The following DPP7 variants were observed in gnomAD, a reference collection of about 807,000 sequenced individuals.
DPP7 encodes the protein dipeptidyl peptidase 7, also known as dipeptidyl peptidase 2.
A neutral mutation model predicts 58.8 loss-of-function variants in DPP7; 74 were observed. The observed-to-expected ratio is 1.26, with a 90% CI of 1.04 to 1.53. The LOEUF is 1.53. DPP7 is among the 40% of genes most tolerant of loss of function. The probability of loss-of-function intolerance (pLI) is 0.00; values close to 1 mark genes in which losing one functional copy is unlikely to be tolerated. For synonymous variants in DPP7, 350 were observed against 303.6 expected (o/e 1.15, Z -1.59); for missense variants, 807 against 692.3 (o/e 1.17, Z -1.86).
chr9:137,112,874 A>G (rs1831445813), intron 7 of DPP7, 69 bp from the exon 8 acceptor site: 1 of 1,601,684 alleles, frequency 6.2e-7, no homozygotes, highest in Non-Finnish European at 8.5e-7. Context: ...GGCTCCCAGG[A>G]TGAGGGTCAG....
chr9:137,112,384 T>C, intron 8 of DPP7, 154 bp from the exon 9 acceptor site: 1 of 680,566 alleles, frequency 1.5e-6, no homozygotes, highest in Non-Finnish European at 2.4e-6. Flanking sequence ...GCTACCTGCT[T>C]GGAGGTCGGC....
upstream of DPP7, among the ~76,000 whole-genome samples, chr9:137,118,217 A>T (rs533746221): frequency 3.8e-4 from 57 of 151,204 alleles, no homozygotes; most frequent in Admixed American, 2.0e-3. Context: ...TGAACTCCTG[A>T]CCTCAGATGA....
At chr9:137,110,856 C>A in intron 12 of DPP7, 24 bp downstream of exon 12, 1 of 1,608,344 alleles carries the variant, frequency 6.2e-7, no homozygotes, top group African/African-American at 1.3e-5. Flanking sequence ...CCCGCGACCA[C>A]CGCCAGGCCA....
At chr9:137,116,806 A>G (rs147799106), upstream of DPP7, among the ~76,000 whole-genome samples, 486 of 152,328 alleles carry the variant, frequency 3.2e-3, 5 homozygotes, top group African/African-American at 0.011. Flanking sequence ...CATTAGTTCT[A>G]TTCTGAGACA....
chr9:137,114,527 A>T lies in DPP7; in HGVS notation c.117T>A (p.Arg39=). Residue 39 remains arginine, a synonymous_variant, in exon 2 of 13, where the codon CGT becomes CGA. Coordinates refer to ENST00000371579, the MANE Select transcript of DPP7 (RefSeq NM_013379.3). ...AGCGCTCGAAGTTGAAGTGGTCCAG[A>T]CGCTGCTGGAAGAAGCGCTCCTGGA... The part of the protein sequence containing the change: ...PGFQERFFQQ[R]LDHFNFERFG... The T allele has an allele frequency of 6.3e-7, 1 of 1,579,798 alleles. No individual in the cohort carries two copies. The highest frequency in any genetic ancestry group is 1.1e-5 in the South Asian group (1 of 87,282).
intron 2 of DPP7, 36 bp from the exon 3 acceptor site, chr9:137,114,418 G>A (rs1224309358): frequency 1.9e-6 from 3 of 1,569,908 alleles, no homozygotes; most frequent in Non-Finnish European, 2.6e-6. Context: ...GGTGCCGGGG[G>A]GCGGCGGGAC....
rs1415215235 is a variant in DPP7, at chr9:137,112,818, G to A, written c.871-13C>T. The A allele has an allele frequency of 1.2e-6, 2 of 1,608,652 alleles. No homozygotes were observed. Among genetic ancestry groups the A allele is most frequent in the Non-Finnish European group, 1.7e-6 (2 of 1,179,176 alleles). ...GATCACAGCCCACCTGGAGTGCAGGGGCAGCGGCGACTCAGCGGGGTCCCC... is the reference window on the plus strand; with the variant it reads ...GATCACAGCCCACCTGGAGTGCAGGAGCAGCGGCGACTCAGCGGGGTCCCC... On this transcript the variant is annotated splice_polypyrimidine_tract_variant and intron_variant, in intron 7 of 12. Coordinates refer to ENST00000371579, the MANE Select transcript of DPP7 (RefSeq NM_013379.3).
At chr9:137,114,910 G>C (rs1226683620), upstream of DPP7, 1 of 356,360 alleles carries the variant, frequency 2.8e-6, no homozygotes, top group Non-Finnish European at 5.0e-6. Flanking sequence ...CGGGCACGGC[G>C]CGGGGAAGCA....
Position 137,114,487 on chromosome 9 carries a change from AG to A in DPP7, c.156del (p.Phe53SerfsTer77). 6.3e-7 allele frequency: 1 copy of A among 1,579,864 alleles called. No individual in the cohort carries two copies. The highest frequency in any genetic ancestry group is 8.6e-7 in the Non-Finnish European group (1 of 1,163,596). ...HFNFERFGNK[T>X]FPQRFLVSDR... ...CCCGACACCAGGAAGCGCTGAGGGA[AG>A]GTCTTGTTGCCGAAGCGCTCGAAGT... On this transcript the variant is annotated frameshift_variant, in exon 2 of 13. Transcript: ENST00000371579. LOFTEE classifies it high-confidence loss of function.
At chr9:137,117,317 A>G (rs897280967), upstream of DPP7, among the ~76,000 whole-genome samples, 1 of 152,224 alleles carries the variant, frequency 6.6e-6, no homozygotes, top group Non-Finnish European at 1.5e-5. Flanking sequence ...CAGCCTGTGC[A>G]GGGCACAGTA....
rs766881531 is a variant in DPP7 at position 137,112,719 on chromosome 9, C to A, written c.931+26G>T. ...GCCAAGCCTGGGGTCTCCACACTTG[C>A]CCATCTGGGGCCGGGGGAAGGGCAC... On this transcript the variant is annotated intron_variant, in intron 8 of 12. Coordinates refer to ENST00000371579, the MANE Select transcript of DPP7 (RefSeq NM_013379.3). 7 of 1,585,972 alleles carry A rather than the reference C, an allele frequency of 4.4e-6. No individual in the cohort carries two copies. In the South Asian group the frequency reaches 6.9e-5, roughly 16 times the overall value.
rs1831475881 is a variant in DPP7, at chr9:137,113,410, G to T, written c.572C>A (p.Ala191Asp). ...GTTGGAGTCGCCGAGGCCTGCCACAGCTAGAACGGGCGCGCTGGCCGCCAG... is the reference window on the plus strand; with the variant it reads ...GTTGGAGTCGCCGAGGCCTGCCACATCTAGAACGGGCGCGCTGGCCGCCAG... Reference protein sequence around the residue: ...GALAASAPVLAVAGLGDSNQF... With the variant: ...GALAASAPVLDVAGLGDSNQF... The change falls in exon 5 of 13, where the codon GCT (alanine) becomes GAT (aspartate). Residue 191 changes from alanine to aspartate, a missense_variant. Physicochemically the swap from Ala to Asp is moderately radical, Grantham distance 126. Around this residue, in one of 3 missense-constraint regions of DPP7, gnomAD observed 624 missense variants for 531.2 expected, o/e 1.17. Coordinates refer to ENST00000371579, the MANE Select transcript of DPP7 (RefSeq NM_013379.3). 1.2e-6 allele frequency: 2 copies of T among 1,609,092 alleles called. No homozygotes were observed.
upstream of DPP7, chr9:137,114,801 G>A (rs1831581008): frequency 2.1e-6 from 2 of 936,844 alleles, no homozygotes; most frequent in Middle Eastern, 4.0e-4. Context: ...TGTTTCGGGC[G>A]CCCGCGGTCC....
chr9:137,112,589 G>C (rs915349493), intron 8 of DPP7, 156 bp downstream of exon 8: 21 of 919,532 alleles, frequency 2.3e-5, no homozygotes, highest in South Asian at 5.0e-5. Context: ...CCTCCCCCAG[G>C]GTTTCTGGGA....
At chr9:137,116,878 T>A (rs1333434846), upstream of DPP7, among the ~76,000 whole-genome samples, 1 of 152,222 alleles carries the variant, frequency 6.6e-6, no homozygotes, top group Admixed American at 6.5e-5. Flanking sequence ...TCTGTTACTC[T>A]GCTACACTGA....
chr9:137,112,542 C>G (rs1285547713), intron 8 of DPP7: 5 of 707,150 alleles, frequency 7.1e-6, no homozygotes, highest in African/African-American at 1.8e-5. Flanking sequence ...GGCCTGGCTA[C>G]AGCCAGTGCT....
upstream of DPP7, among the ~76,000 whole-genome samples, chr9:137,117,078 G>C (rs560759488): frequency 3.9e-5 from 6 of 152,238 alleles, no homozygotes; most frequent in Admixed American, 2.6e-4. Context: ...CTCAGAGACC[G>C]GGGCCGGTGC....
chr9:137,113,130 G>A lies in DPP7; in HGVS notation c.704-11C>T. The stretch of plus-strand genomic sequence containing the variant: ...GGACCGTGTCGTAGGCTGCGTGGAA[G>A]GGGCAGAGACTTGAAGTTTGGGCAT... On this transcript the variant is annotated splice_polypyrimidine_tract_variant and intron_variant, in intron 6 of 12. Transcript: ENST00000371579. 3 of 1,613,792 alleles carry A rather than the reference G, an allele frequency of 1.9e-6. No individual in the cohort carries two copies. The highest frequency in any genetic ancestry group is 2.5e-6 in the Non-Finnish European group (3 of 1,180,014).
chr9:137,115,816 C>T (rs1053205961), upstream of DPP7, among the ~76,000 whole-genome samples: 4 of 152,146 alleles, frequency 2.6e-5, no homozygotes, highest in South Asian at 6.2e-4. Context: ...CACCACGGCC[C>T]TCACATCTGG....
Sources: allele counts gnomAD v4.1 joint callset (sites outside exome capture counted in the v4.1 genomes callset), GRCh38; gene constraint gnomAD v4.1.1; regional missense constraint gnomAD v4.1.1; transcripts MANE v1.5; gene names NCBI Gene and HGNC (gene_info 2026-07-23, HGNC 2026-07-21).